RBM23: variants seen among roughly 807,000 people sequenced by gnomAD.
RBM23 encodes the protein RNA binding motif protein 23.
Under a neutral mutation model 56.2 loss-of-function variants are expected in RBM23, and 53 were observed. That is an observed-to-expected ratio of 0.94 (90% confidence interval 0.76 to 1.19). The LOEUF is 1.19. Ranked by LOEUF, RBM23 falls within the 50% of genes most tolerant of loss-of-function variation. The pLI, the probability that RBM23 is intolerant of heterozygous loss-of-function variation, is 0.00. For synonymous variants in RBM23, 197 were observed against 198.5 expected, an observed-to-expected ratio of 0.99 and a Z score of 0.06; for missense variants, 642 against 590.3, an observed-to-expected ratio of 1.09 and a Z score of -0.91.
intron 2 of RBM23, among the ~76,000 whole-genome samples, chr14:22,910,450 C>CAAAAAAAAAAA (rs546748436): frequency 2.8e-5 from 2 of 71,154 alleles, no homozygotes; most frequent in Non-Finnish European, 4.7e-5. Context: ...AACTTCATCT[C>CAAAAAAAAAAA]AAAAAAAAAA....
Position 22,898,232 on chromosome 14 carries a change from C to G in RBM23, c.*3498G>C, listed in dbSNP as rs765528454. The G allele has an allele frequency of 2.6e-5, 4 of 152,234 alleles. No individual in the cohort carries two copies. The highest frequency in any genetic ancestry group is 5.9e-5 in the Non-Finnish European group (4 of 68,060). 9.4% of individuals were successfully genotyped at this position (152,234 alleles called of 1,614,324 possible). A position where few individuals can be genotyped will look rare whatever the true frequency, so the allele number is the denominator to read the frequency against. ...GAGTCTGAGGAAGCAGGCAGAATTC[C>G]TGTGTCAAGAGCACAGCAGTTTAAA... is the stretch of plus-strand genomic sequence containing the variant. On this transcript the variant is annotated 3_prime_UTR_variant, in exon 14 of 14. Transcript: ENST00000359890.
At chr14:22,908,600 G>T in intron 3 of RBM23, 1 of 439,574 alleles carries the variant, frequency 2.3e-6, no homozygotes, top group Non-Finnish European at 4.0e-6. Context: ...CGCTATGTTG[G>T]CCAGGTTCAT....
chr14:22,909,409 C>T, intron 3 of RBM23, 74 bp downstream of exon 3: 2 of 1,191,004 alleles, frequency 1.7e-6, no homozygotes, highest in East Asian at 2.3e-5. Context: ...TCTCCCTATT[C>T]TGGTTATTTT....
chr14:22,902,566 T>G, intron 10 of RBM23, 184 bp from the exon 11 acceptor site: 1 of 1,325,450 alleles, frequency 7.5e-7, no homozygotes. Flanking sequence ...AAGGACCTTT[T>G]CCAATGGACT....
intron 9 of RBM23, among the ~76,000 whole-genome samples, chr14:22,904,626 C>A (rs757715793): frequency 9.9e-5 from 15 of 151,976 alleles, no homozygotes; most frequent in Non-Finnish European, 1.8e-4. Flanking sequence ...CGTGCACCAC[C>A]ACATTGGCTA....
intron 1 of RBM23, among the ~76,000 whole-genome samples, chr14:22,918,642 T>A (rs1043297925): frequency 5.9e-5 from 9 of 152,124 alleles, no homozygotes; most frequent in Admixed American, 1.3e-4. Flanking sequence ...TGGCTGAAAC[T>A]GATGATGCGT....
intron 4 of RBM23, 85 bp downstream of exon 4, chr14:22,908,248 T>C: frequency 6.9e-7 from 1 of 1,454,466 alleles, no homozygotes; most frequent in Non-Finnish European, 9.3e-7. Context: ...TTTGAACTCC[T>C]GGCCTGAAGT....
chr14:22,912,488 C>G (rs4982706), intron 1 of RBM23, among the ~76,000 whole-genome samples: 1 of 151,896 alleles, frequency 6.6e-6, no homozygotes, highest in African/African-American at 2.4e-5. Flanking sequence ...GAAACTGCCT[C>G]TCCCCAGGCT....
chr14:22,904,198 G>A (rs1282836168), intron 10 of RBM23, 63 bp downstream of exon 10: 1 of 1,612,610 alleles, frequency 6.2e-7, no homozygotes, highest in East Asian at 2.2e-5. Context: ...AAGCTAAGCT[G>A]CAAAATCAGA....
chr14:22,906,406 G>A (rs1419015969), intron 4 of RBM23, 38 bp from the exon 5 acceptor site: 16 of 1,605,962 alleles, frequency 1.0e-5, no homozygotes, highest in African/African-American at 1.3e-5. Flanking sequence ...CCCACATCAT[G>A]TTTAGGCCAA....
chr14:22,898,405 C>G lies in RBM23; in HGVS notation c.*3325G>C, dbSNP rs113771607. On this transcript the variant is annotated 3_prime_UTR_variant, in exon 14 of 14. Transcript: ENST00000359890. ...GATCTAGATCACAATGTCACCCCTACGCCACCAGCCACCATGTGCAGGTAG... is the reference window on the plus strand; with the variant it reads ...GATCTAGATCACAATGTCACCCCTAGGCCACCAGCCACCATGTGCAGGTAG... The G allele has an allele frequency of 6.6e-6, 1 of 152,190 alleles. No homozygotes were observed. Among genetic ancestry groups the G allele is most frequent in the African/African-American group, 2.4e-5 (1 of 41,396 alleles). The allele number at this position is 152,190 out of a possible 1,614,324, so 9.4% of individuals were successfully genotyped here. A position where few individuals can be genotyped will look rare whatever the true frequency, so the allele number is the denominator to read the frequency against.
intron 5 of RBM23, 133 bp from the exon 6 acceptor site, chr14:22,905,792 A>C: frequency 1.4e-6 from 1 of 730,482 alleles, no homozygotes; most frequent in Non-Finnish European, 2.3e-6. Flanking sequence ...GCTGTCACCC[A>C]GGCTGGAGTG....
In RBM23 at chr14:22,903,196, T is replaced by C. The variant is rs867289265; in HGVS notation, c.931-814A>G. 7.7e-5 allele frequency: 76 copies of C among 985,414 alleles called. No homozygotes were observed. The Middle Eastern group carries it at 2.1e-3, about 27-fold the overall frequency. 61.0% of individuals were successfully genotyped at this position (985,414 alleles called of 1,614,324 possible). ...CACCCCCACATACACACAAGAGCTG[T>C]TGACTAAGTGACCTGCTGACCAGAA... is the stretch of plus-strand genomic sequence containing the variant. On this transcript the variant is annotated intron_variant, in intron 10 of 13. Coordinates refer to ENST00000359890, the MANE Select transcript of RBM23 (RefSeq NM_001077351.2).
At chr14:22,905,493 C>T in intron 6 of RBM23, 40 bp from the exon 7 acceptor site, 1 of 1,606,782 alleles carries the variant, frequency 6.2e-7, no homozygotes, top group Non-Finnish European at 8.5e-7. Context: ...CTCCCAATAC[C>T]TGGTCATTGT....
chr14:22,908,332 C>T lies in RBM23; in HGVS notation c.227+1G>A. 6.5e-7 allele frequency: 1 copy of T among 1,549,840 alleles called. No homozygotes were observed. The highest frequency in any genetic ancestry group is 8.7e-7 in the Non-Finnish European group (1 of 1,146,884). On this transcript the variant is annotated splice_donor_variant, in intron 4 of 13. Coordinates refer to ENST00000359890, the MANE Select transcript of RBM23 (RefSeq NM_001077351.2). LOFTEE classifies it high-confidence loss of function. ...ACTGTGCCTGGCCCAGAATTACTGA[C>T]CTGCGCTTTCTATCCCTGCTTTTAT... is the stretch of plus-strand genomic sequence containing the variant.
intron 5 of RBM23, chr14:22,905,983 C>T (rs1483890750): frequency 4.7e-6 from 3 of 637,872 alleles, no homozygotes; most frequent in African/African-American, 3.7e-5. Context: ...TTCCTGAGCC[C>T]AAGTGATCTT....
chr14:22,915,068 A>G (rs1306080027), intron 1 of RBM23, among the ~76,000 whole-genome samples: 1 of 151,996 alleles, frequency 6.6e-6, no homozygotes, highest in Non-Finnish European at 1.5e-5. Context: ...TGGTTGCCCT[A>G]AGAGTCCATA....
Position 22,909,594 on chromosome 14 carries a change from T to A in RBM23, c.68A>T (p.Asp23Val), listed in dbSNP as rs200447116. 351 of 1,611,892 alleles carry A rather than the reference T, an allele frequency of 2.2e-4. No homozygotes were observed. The highest frequency in any genetic ancestry group is 7.1e-4 in the Middle Eastern group (4 of 5,616). ...TTTAACTTCTTTCCTTTGTTGCTCA[T>A]CCTGAGGCATTCACCAGGAAAATGT... The part of the protein sequence containing the change: ...MLEAPYKKEE[D>V]EQQRKEVKKD... The change falls in exon 3 of 14, where the codon GAT becomes GTT. Residue 23 changes from aspartate (D) to valine (V), a missense_variant and splice_region_variant. Transcript: ENST00000359890.
At chr14:22,904,522 C>CTT (rs748999632) in intron 9 of RBM23, among the ~76,000 whole-genome samples, 196 bp from the exon 10 acceptor site, 6 of 140,686 alleles carry the variant, frequency 4.3e-5, no homozygotes, top group Non-Finnish European at 4.7e-5. Context: ...AAAAGGTGGA[C>CTT]TTTTTTTTTT....
Sources: gnomAD v4.1 joint callset for allele counts (sites outside exome capture counted in the v4.1 genomes callset) on GRCh38, gnomAD v4.1.1 for gene constraint, MANE v1.5 for transcripts, NCBI Gene and HGNC (gene_info 2026-07-23, HGNC 2026-07-21) for gene names.